The following ALG13 variants were observed in gnomAD, a reference collection of about 807,000 sequenced individuals.
ALG13 encodes the protein UDP-N-acetylglucosamine transferase subunit ALG13.
Under a neutral mutation model 87.8 loss-of-function variants are expected in ALG13, and 11 were observed. The ratio of observed to expected loss-of-function variants is 0.13; its 90% CI spans 0.08 to 0.21. The LOEUF is 0.21. Ranked by LOEUF, ALG13 falls within the 10% of genes least tolerant of loss-of-function variation. The pLI, the probability that ALG13 is intolerant of heterozygous loss-of-function variation, is 1.00. For synonymous variants in ALG13, 320 were observed against 306.3 expected, an observed-to-expected ratio of 1.04 and a Z score of -0.47; for missense variants, 756 against 866.1, an observed-to-expected ratio of 0.87 and a Z score of 1.60.
In ALG13 at chrX:111,730,014, C is replaced by G. The variant is rs756082183; in HGVS notation, c.2369-381C>G. ...CATTTTACAGTGAAGAATTGAGGCACAGAGATTAAATAACTTGCCTAAAGT... is the reference window on the plus strand; with the variant it reads ...CATTTTACAGTGAAGAATTGAGGCAGAGAGATTAAATAACTTGCCTAAAGT... On this transcript the variant is annotated intron_variant, in intron 19 of 26. Coordinates refer to ENST00000394780, the MANE Select transcript of ALG13 (RefSeq NM_001099922.3). Among the ~76,000 whole-genome samples, 9 of 112,237 alleles carry G rather than the reference C, an allele frequency of 8.0e-5. No individual in the cohort carries two copies. The South Asian group carries it at 1.5e-3, about 18-fold the overall frequency.
intron 25 of ALG13, among the ~76,000 whole-genome samples, chrX:111,756,430 G>T (rs1336174246): frequency 9.0e-6 from 1 of 111,510 alleles, no homozygotes; most frequent in African/African-American, 3.3e-5. Flanking sequence ...AAAAATAGCT[G>T]CATTTTTAAA....
At position 111,708,012 on chromosome X, in the gene ALG13, CTCT is replaced by C. The variant is rs761649769; in HGVS notation, c.384-10_384-8del. ...CTATTCCTAGGAGGATTGGCTCTTC[CTCT>C]TCTTTTCACAGGGTCCTGACTTGTC... On this transcript the variant is annotated splice_polypyrimidine_tract_variant and intron_variant, in intron 3 of 26. Coordinates refer to ENST00000394780, the MANE Select transcript of ALG13 (RefSeq NM_001099922.3). The C allele has an allele frequency of 1.0e-5, 12 of 1,192,052 alleles. No individual in the cohort carries two copies. The highest frequency in any genetic ancestry group is 1.4e-5 in the Non-Finnish European group (12 of 884,663).
intron 15 of ALG13, 95 bp from the exon 16 acceptor site, chrX:111,726,714 C>A: frequency 1.0e-6 from 1 of 988,525 alleles, no homozygotes; most frequent in Non-Finnish European, 1.4e-6. Flanking sequence ...CTAGGGGAAG[C>A]ATTGGAAAGT....
chrX:111,714,559 G>A (rs777559507), intron 8 of ALG13, among the ~76,000 whole-genome samples: 1 of 111,026 alleles, frequency 9.0e-6, no homozygotes, highest in South Asian at 3.8e-4. Context: ...GTAAGAGGTA[G>A]AGCAGGCCAT....
intron 21 of ALG13, among the ~76,000 whole-genome samples, chrX:111,734,715 C>G (rs1340331214): frequency 1.9e-5 from 2 of 107,386 alleles, no homozygotes; most frequent in Admixed American, 1.0e-4. Flanking sequence ...GATAGAATGC[C>G]TTTTTTTTTT....
At chrX:111,758,257 A>T (rs972612251) in intron 26 of ALG13, among the ~76,000 whole-genome samples, 2 of 112,249 alleles carry the variant, frequency 1.8e-5, no homozygotes, top group East Asian at 5.6e-4. Context: ...GATTAACTTA[A>T]GGAAAAAGAC....
chrX:111,734,613 A>G (rs1943055438), intron 21 of ALG13, among the ~76,000 whole-genome samples: 1 of 112,262 alleles, frequency 8.9e-6, no homozygotes, highest in Non-Finnish European at 1.9e-5. Context: ...CCAGAGGAGA[A>G]TGATATTTGA....
chrX:111,754,500 A>G (rs907959568), intron 25 of ALG13, among the ~76,000 whole-genome samples: 3 of 112,205 alleles, frequency 2.7e-5, no homozygotes, highest in African/African-American at 9.7e-5. Flanking sequence ...CTTTGTTTGC[A>G]GATGACATAA....
At chrX:111,745,102 A>G (rs2148408694) in intron 24 of ALG13, among the ~76,000 whole-genome samples, 198 bp downstream of exon 24, 1 of 111,281 alleles carries the variant, frequency 9.0e-6, no homozygotes, top group Non-Finnish European at 1.9e-5. Flanking sequence ...CAACAAGTGG[A>G]TGGTTGAGTT....
At chrX:111,720,226 C>T in intron 11 of ALG13, 56 bp downstream of exon 11, 1 of 840,664 alleles carries the variant, frequency 1.2e-6, no homozygotes, top group South Asian at 3.0e-5. Flanking sequence ...AGCATCATGA[C>T]TTAAACTAGT....
At chrX:111,688,144 A>T (rs1450191455) in intron 3 of ALG13, 8 of 853,054 alleles carry the variant, frequency 9.4e-6, no homozygotes, top group Non-Finnish European at 1.4e-6. Context: ...AGGAAATTTT[A>T]TGTTGTGCAC....
chrX:111,700,575 GT>G (rs915088280), intron 3 of ALG13, among the ~76,000 whole-genome samples: 2 of 98,865 alleles, frequency 2.0e-5, no homozygotes, highest in East Asian at 6.5e-4. Context: ...GTTTTTTTTT[GT>G]TTTTTTTTGT....
At chrX:111,740,689 A>G (rs1300997983) in intron 23 of ALG13, among the ~76,000 whole-genome samples, 1 of 111,280 alleles carries the variant, frequency 9.0e-6, no homozygotes, top group Non-Finnish European at 1.9e-5. Context: ...AACCATCACA[A>G]AGAGAGATTC....
At position 111,688,388 on chromosome X, in the gene ALG13, A is replaced by G. The variant is rs775791015; in HGVS notation, c.383+3285A>G. 56 of 727,495 alleles carry G rather than the reference A, an allele frequency of 7.7e-5. No homozygotes were observed. In the Admixed American group the frequency reaches 7.9e-4, roughly 10 times the overall value. The allele number at this position is 727,495 out of a possible 1,213,427, so 60.0% of individuals were successfully genotyped here. A position where few individuals can be genotyped will look rare whatever the true frequency, so the allele number is the denominator to read the frequency against. On this transcript the variant is annotated intron_variant, in intron 3 of 26. Transcript: ENST00000394780. ...CAACTTTTATGTAAAAAAATTTTACATAAGAGTTAGCATCTTTAGCTTTAT... is the reference window on the plus strand; with the variant it reads ...CAACTTTTATGTAAAAAAATTTTACGTAAGAGTTAGCATCTTTAGCTTTAT...
intron 1 of ALG13, chrX:111,681,668 A>G (rs1294435482): frequency 1.6e-5 from 14 of 883,908 alleles, no homozygotes; most frequent in Non-Finnish European, 1.9e-5. Flanking sequence ...GTTTTTCCTC[A>G]GGCCCCCCTG....
chrX:111,687,271 G>A (rs1303198574), intron 3 of ALG13, among the ~76,000 whole-genome samples: 2 of 112,562 alleles, frequency 1.8e-5, no homozygotes, highest in Non-Finnish European at 3.8e-5. Context: ...TTCATTTTAG[G>A]TAAATCATTT....
intron 3 of ALG13, among the ~76,000 whole-genome samples, chrX:111,704,961 T>C (rs1938489510): frequency 2.7e-5 from 3 of 112,183 alleles, no homozygotes; most frequent in Admixed American, 1.9e-4. Context: ...GAAAGATTCT[T>C]TGTGCTTATT....
At chrX:111,730,207 A>C (rs1194979139) in intron 19 of ALG13, among the ~76,000 whole-genome samples, 188 bp from the exon 20 acceptor site, 1 of 112,491 alleles carries the variant, frequency 8.9e-6, no homozygotes, top group African/African-American at 3.2e-5. Flanking sequence ...TACAGCTTAC[A>C]GCTAGTCTGT....
chrX:111,737,074 T>G, intron 23 of ALG13, 195 bp downstream of exon 23: 1 of 355,196 alleles, frequency 2.8e-6, no homozygotes. Flanking sequence ...CTTGAAAATT[T>G]CGTGCTGGTA....
Sources: gnomAD v4.1 joint callset for allele counts (sites outside exome capture counted in the v4.1 genomes callset) on GRCh38, gnomAD v4.1.1 for gene constraint, MANE v1.5 for transcripts, NCBI Gene and HGNC (gene_info 2026-07-23, HGNC 2026-07-21) for gene names.